GATA4: variants seen among roughly 807,000 people sequenced by gnomAD.
GATA4 encodes transcription factor GATA-4.
A neutral mutation model predicts 37.9 loss-of-function variants in GATA4; 7 were observed. The observed-to-expected ratio is 0.18, with a 90% CI of 0.11 to 0.35. The LOEUF (loss-of-function observed/expected upper bound fraction) is 0.35, where lower values mean the gene tolerates loss of function less well. Ranked by LOEUF, GATA4 falls within the 10% of genes least tolerant of loss-of-function variation. GATA4 has a pLI of 1.00. For synonymous variants in GATA4, 372 were observed against 292.6 expected (o/e 1.27, Z -2.77); for missense variants, 647 against 653.0 (o/e 0.99, Z 0.10).
intron 1 of GATA4, among the ~76,000 whole-genome samples, chr8:11,704,612 T>C (rs1164098961): frequency 6.6e-6 from 1 of 152,198 alleles, no homozygotes; most frequent in Non-Finnish European, 1.5e-5. Flanking sequence ...CTTGTTTGCA[T>C]ATCGCAGGCC....
At chr8:11,744,070 C>T (rs1412428881) in intron 2 of GATA4, among the ~76,000 whole-genome samples, 1 of 152,194 alleles carries the variant, frequency 6.6e-6, no homozygotes. Context: ...CAGTTGGTTC[C>T]TGGCTTGCAG....
chr8:11,745,559 C>A (rs1801989807), intron 2 of GATA4, among the ~76,000 whole-genome samples: 1 of 151,982 alleles, frequency 6.6e-6, no homozygotes, highest in Admixed American at 6.6e-5. Flanking sequence ...GTACTCCAGC[C>A]TGGGGGACAG....
chr8:11,702,650 CA>C (rs1799721587), upstream of GATA4, among the ~76,000 whole-genome samples: 1 of 151,258 alleles, frequency 6.6e-6, no homozygotes, highest in South Asian at 2.1e-4. The surrounding 1 kb of genome is among the most constrained non-coding windows in gnomAD (Gnocchi z 4.4). Flanking sequence ...TCCGTGGCGC[CA>C]ATTCTGCTAA....
intron 2 of GATA4, among the ~76,000 whole-genome samples, chr8:11,726,812 C>T (rs1201255934): frequency 6.6e-6 from 1 of 152,192 alleles, no homozygotes; most frequent in Non-Finnish European, 1.5e-5. Context: ...CCTGATGGTG[C>T]CCTCCTGGCT....
At chr8:11,714,893 C>T (rs549550113) in intron 2 of GATA4, among the ~76,000 whole-genome samples, 2 of 152,212 alleles carry the variant, frequency 1.3e-5, no homozygotes, top group African/African-American at 4.8e-5. Flanking sequence ...TATGGAGAGT[C>T]TTAGGTGTAG....
At chr8:11,695,272 G>C (rs896492422) in intron 1 of GATA4, among the ~76,000 whole-genome samples, 6 of 152,130 alleles carry the variant, frequency 3.9e-5, no homozygotes, top group African/African-American at 1.4e-4. Flanking sequence ...CGGGCATGGT[G>C]GCACATGCCT....
intron 1 of GATA4, among the ~76,000 whole-genome samples, chr8:11,698,380 A>C (rs1003073811): frequency 6.6e-6 from 1 of 152,178 alleles, no homozygotes; most frequent in African/African-American, 2.4e-5. Context: ...GGCACAGAGA[A>C]GGTGCTCAGT....
chr8:11,682,776 T>C (rs1490118150), intron 1 of GATA4, among the ~76,000 whole-genome samples: 1 of 152,166 alleles, frequency 6.6e-6, no homozygotes, highest in African/African-American at 2.4e-5. Flanking sequence ...GACGTAGTAG[T>C]CCCCGTTTGT....
chr8:11,728,367 T>C (rs1801039106), intron 2 of GATA4, among the ~76,000 whole-genome samples: 1 of 152,198 alleles, frequency 6.6e-6, no homozygotes, highest in Admixed American at 6.5e-5. Flanking sequence ...CTTTTTTGTT[T>C]TATTTTTGGT....
chr8:11,689,134 C>T (rs763948594), upstream of GATA4, among the ~76,000 whole-genome samples: 4 of 152,204 alleles, frequency 2.6e-5, no homozygotes, highest in Non-Finnish European at 5.9e-5. Flanking sequence ...TCTGGAACCT[C>T]CCATGGGTCA....
chr8:11,750,303 C>A, intron 4 of GATA4, 67 bp downstream of exon 4: 5 of 1,597,680 alleles, frequency 3.1e-6, no homozygotes, highest in Non-Finnish European at 4.3e-6. Flanking sequence ...CCTCCCTTGT[C>A]TTCTTCCTTT....
intron 1 of GATA4, among the ~76,000 whole-genome samples, chr8:11,677,807 C>T (rs890895860): frequency 4.6e-5 from 7 of 151,802 alleles, no homozygotes; most frequent in Non-Finnish European, 7.4e-5. Flanking sequence ...GGGAAGGAGG[C>T]GTGGGGGTGG....
chr8:11,740,226 A>G (rs1398336508), intron 2 of GATA4, among the ~76,000 whole-genome samples: 1 of 152,100 alleles, frequency 6.6e-6, no homozygotes, highest in Non-Finnish European at 1.5e-5. Context: ...CAGCCGTACT[A>G]CCTGTCAGCC....
At chr8:11,719,400 C>G (rs1800572393) in intron 2 of GATA4, among the ~76,000 whole-genome samples, 1 of 152,034 alleles carries the variant, frequency 6.6e-6, no homozygotes, top group Non-Finnish European at 1.5e-5. Context: ...ATGTAGTTCC[C>G]ACGGAGTGCA....
upstream of GATA4, among the ~76,000 whole-genome samples, chr8:11,690,630 C>A (rs1163029833): frequency 6.6e-6 from 1 of 152,086 alleles, no homozygotes; most frequent in Non-Finnish European, 1.5e-5. Context: ...GGAGGTTAAG[C>A]AAGAGGGCAG....
chr8:11,747,012 G>A (rs1802065848), intron 2 of GATA4, among the ~76,000 whole-genome samples: 1 of 152,210 alleles, frequency 6.6e-6, no homozygotes, highest in Admixed American at 6.5e-5. Context: ...AGAGCAAGTA[G>A]CTGGGCCACA....
chr8:11,726,898 C>T (rs1800952587), intron 2 of GATA4, among the ~76,000 whole-genome samples: 1 of 152,182 alleles, frequency 6.6e-6, no homozygotes, highest in Admixed American at 6.5e-5. Context: ...TCTTTCCCTG[C>T]CAGCTTGCAG....
chr8:11,750,078 T>C (rs762228407), intron 3 of GATA4, 33 bp from the exon 4 acceptor site: 27 of 1,613,802 alleles, frequency 1.7e-5, no homozygotes, highest in Admixed American at 5.0e-5. Flanking sequence ...CACCTTTTAC[T>C]TGGACATGAA....
At chr8:11,686,435 G>T (rs533601556) in intron 1 of GATA4, among the ~76,000 whole-genome samples, 1 of 152,064 alleles carries the variant, frequency 6.6e-6, no homozygotes, top group South Asian at 2.1e-4. Context: ...GTTGGCCTTC[G>T]TTGGTTGGGT....
Sources: gnomAD v4.1 joint callset for allele counts (sites outside exome capture counted in the v4.1 genomes callset) on GRCh38, gnomAD v4.1.1 for gene constraint, Gnocchi (gnomAD v3.1) non-coding constraint, MANE v1.5 for transcripts, NCBI Gene and HGNC (gene_info 2026-07-23, HGNC 2026-07-21) for gene names.